The following MID1 variants were observed in gnomAD, a reference collection of about 807,000 sequenced individuals.
MID1 encodes the protein midline 1, also known as E3 ubiquitin-protein ligase Midline-1.
Under a neutral mutation model 40.4 loss-of-function variants are expected in MID1, and 7 were observed. That is an observed-to-expected ratio of 0.17 (90% CI 0.10 to 0.33). The LOEUF (loss-of-function observed/expected upper bound fraction) is 0.33, where lower values mean the gene tolerates loss of function less well. Ranked by LOEUF, MID1 falls within the 10% of genes least tolerant of loss-of-function variation. The pLI, the probability that MID1 is intolerant of heterozygous loss-of-function variation, is 1.00. For missense variants in MID1, 367 were observed against 558.5 expected, an observed-to-expected ratio of 0.66 and a Z score of 3.46; for synonymous variants, 229 against 221.2, an observed-to-expected ratio of 1.04 and a Z score of -0.31.
chrX:10,588,709 C>T (rs761434124), intron 1 of MID1, among the ~76,000 whole-genome samples: 5 of 110,256 alleles, frequency 4.5e-5, no homozygotes, highest in Non-Finnish European at 9.5e-5. Context: ...CTTTCCTTGC[C>T]TCTGCCAGCC....
intron 1 of MID1, among the ~76,000 whole-genome samples, chrX:10,574,762 C>CT (rs1934827218): frequency 8.9e-6 from 1 of 112,536 alleles, no homozygotes; most frequent in South Asian, 3.7e-4. Flanking sequence ...TTGTACAACT[C>CT]TAAAGCCTTC....
chrX:10,833,340 T>C (rs2147167125), intron 1 of MID1, among the ~76,000 whole-genome samples: 1 of 112,043 alleles, frequency 8.9e-6, no homozygotes, highest in Admixed American at 9.5e-5. Context: ...CTCTCTGGAA[T>C]GTCTAAAGTG....
intron 1 of MID1, among the ~76,000 whole-genome samples, chrX:10,681,025 CAAT>C (rs56941761): frequency 0.28 from 22,839 of 82,318 alleles, 2,957 homozygotes; most frequent in East Asian, 0.45. Context: ...GACCCTGTCT[CAAT>C]AATAATAATA....
chrX:10,754,320 TTTG>T (rs1196382465), intron 1 of MID1, among the ~76,000 whole-genome samples: 20 of 106,733 alleles, frequency 1.9e-4, no homozygotes, highest in African/African-American at 7.6e-4. Context: ...TTTTTTGTTT[TTTG>T]TTTTTTTTGT....
intron 1 of MID1, among the ~76,000 whole-genome samples, chrX:10,721,556 A>G (rs1362720913): frequency 2.7e-5 from 3 of 110,840 alleles, no homozygotes; most frequent in African/African-American, 9.8e-5. Flanking sequence ...TCAACTATCA[A>G]TAAGTATTTT....
At chrX:10,748,690 T>C (rs1441932745) in intron 1 of MID1, among the ~76,000 whole-genome samples, 2 of 111,955 alleles carry the variant, frequency 1.8e-5, no homozygotes, top group Non-Finnish European at 3.8e-5. Flanking sequence ...ATATACGCAT[T>C]GGTGATTGTG....
Position 10,811,345 on chromosome X carries a change from T to A in MID1, c.-187+22209A>T, listed in dbSNP as rs148965756. ...TTTTAACCATCACTTTGTATAGTAG[T>A]TGCTATGAGCCAAAGACTGTTGTAA... On this transcript the variant is annotated intron_variant, in intron 1 of 10. Coordinates refer to the MID1 transcript ENST00000380785. 8.5e-3 allele frequency among the ~76,000 whole-genome samples: 950 copies of A among 112,411 alleles called. 9 individuals carry two copies. Among genetic ancestry groups the A allele is most frequent in the African/African-American group, 0.029 (906 of 30,989 alleles).
chrX:10,732,956 C>T (rs1411410998), intron 1 of MID1, among the ~76,000 whole-genome samples: 1 of 108,016 alleles, frequency 9.3e-6, no homozygotes, highest in Admixed American at 9.9e-5. Context: ...CTCCACCTCC[C>T]GGGTTCATGC....
chrX:10,768,660 C>G (rs970310269), intron 1 of MID1, among the ~76,000 whole-genome samples: 12 of 111,872 alleles, frequency 1.1e-4, no homozygotes, highest in Non-Finnish European at 2.3e-4. Flanking sequence ...GACCCTCACT[C>G]TCCTCCTCAC....
intron 1 of MID1, among the ~76,000 whole-genome samples, chrX:10,675,054 T>C (rs2043013695): frequency 8.9e-6 from 1 of 112,264 alleles, no homozygotes; most frequent in Non-Finnish European, 1.9e-5. Context: ...ATGAAATAAA[T>C]GGCATGCATT....
intron 1 of MID1, among the ~76,000 whole-genome samples, chrX:10,614,285 A>G (rs1935803305): frequency 9.0e-6 from 1 of 111,646 alleles, no homozygotes; most frequent in Admixed American, 9.5e-5. Context: ...TTCCCTCTCA[A>G]CTGGGGGCCT....
chrX:10,518,830 T>C (rs902434990), intron 3 of MID1, among the ~76,000 whole-genome samples: 1 of 112,076 alleles, frequency 8.9e-6, no homozygotes, highest in Non-Finnish European at 1.9e-5. Flanking sequence ...AAAGAATGAA[T>C]ATTCTTTATT....
intron 1 of MID1, among the ~76,000 whole-genome samples, chrX:10,791,085 A>G (rs1364369910): frequency 1.8e-5 from 2 of 112,579 alleles, no homozygotes; most frequent in East Asian, 5.6e-4. Flanking sequence ...TAATATAAGG[A>G]AGTTATGGGT....
At chrX:10,569,439 C>T (rs748379753) in intron 1 of MID1, among the ~76,000 whole-genome samples, 2 of 112,561 alleles carry the variant, frequency 1.8e-5, no homozygotes, top group Non-Finnish European at 3.7e-5. Context: ...CCCACTTGGT[C>T]TGTCACCTCT....
At chrX:10,771,811 A>T (rs762815444) in intron 1 of MID1, among the ~76,000 whole-genome samples, 3 of 109,773 alleles carry the variant, frequency 2.7e-5, no homozygotes, top group Non-Finnish European at 1.9e-5. Context: ...GCCCGGCCAC[A>T]TTTATCTATT....
chrX:10,754,112 G>A (rs1308214178), intron 1 of MID1, among the ~76,000 whole-genome samples: 5 of 112,041 alleles, frequency 4.5e-5, no homozygotes, highest in African/African-American at 1.6e-4. Context: ...ATTTAAGTTG[G>A]CAAAAGTTCA....
chrX:10,608,607 C>T (rs985855624), intron 1 of MID1, among the ~76,000 whole-genome samples: 1 of 111,221 alleles, frequency 9.0e-6, no homozygotes, highest in African/African-American at 3.3e-5. Flanking sequence ...GTAAAGGGTG[C>T]AGACTGCCCA....
chrX:10,752,580 T>C (rs900418303), intron 1 of MID1, among the ~76,000 whole-genome samples: 2 of 111,608 alleles, frequency 1.8e-5, no homozygotes, highest in African/African-American at 6.5e-5. Flanking sequence ...CCTATTTGCC[T>C]AGAATCCTGC....
chrX:10,793,672 T>C (rs1022858703), intron 1 of MID1, among the ~76,000 whole-genome samples: 6 of 111,865 alleles, frequency 5.4e-5, no homozygotes, highest in Middle Eastern at 4.6e-3. Context: ...CCCAGCTCCA[T>C]TGGCTATCAC....
Sources: gnomAD v4.1 joint callset for allele counts (sites outside exome capture counted in the v4.1 genomes callset) on GRCh38, gnomAD v4.1.1 for gene constraint, MANE v1.5 for transcripts, NCBI Gene and HGNC (gene_info 2026-07-23, HGNC 2026-07-21) for gene names.